The following FOXC1 variants were observed in gnomAD, a reference collection of about 807,000 sequenced individuals.
The protein encoded by FOXC1 is forkhead box C1.
FOXC1 carries 5 observed loss-of-function variants against 8.1 expected under a neutral mutation model. The observed-to-expected ratio is 0.62, with a 90% CI of 0.32 to 1.30. The LOEUF is 1.30. Ranked by LOEUF, FOXC1 falls within the 50% of genes most tolerant of loss-of-function variation. FOXC1 has a pLI of 0.05. For synonymous variants in FOXC1, 552 were observed against 417.2 expected (o/e 1.32, Z -3.94); for missense variants, 942 against 858.0 (o/e 1.10, Z -1.22).
Position 1,611,836 on chromosome 6 carries a change from C to T in FOXC1, c.1391C>T (p.Ala464Val). The change falls in exon 1 of 1, where the codon GCG becomes GTG. Residue 464 changes from alanine (A) to valine (V), a missense_variant. This residue lies in a region of FOXC1 where 726 missense variants were observed against 599.6 expected (regional missense o/e 1.21). Transcript: ENST00000645831. This position sits in a 1 kb window ranked among gnomAD's most constrained non-coding sequence, Gnocchi z 7.1. Reference sequence around the variant, plus strand: ...GGCCAGGAGGCCGGCCACCACCCTGCGGCCCACCAAGGCCGCCTCACCTCG... The same window carrying T: ...GGCCAGGAGGCCGGCCACCACCCTGTGGCCCACCAAGGCCGCCTCACCTCG... ...GGGQEAGHHP[A>V]AHQGRLTSWY... The T allele has an allele frequency of 1.3e-6, 2 of 1,529,522 alleles. No homozygotes were observed. Among genetic ancestry groups the T allele is most frequent in the Non-Finnish European group, 1.8e-6 (2 of 1,138,942 alleles). 94.7% of individuals were successfully genotyped at this position (1,529,522 alleles called of 1,614,324 possible).
At position 1,611,660 on chromosome 6, in the gene FOXC1, C is replaced by G. The variant is rs572622655; in HGVS notation, c.1215C>G (p.Ala405=). 5 of 1,380,914 alleles carry G rather than the reference C, an allele frequency of 3.6e-6. No homozygotes were observed. Among genetic ancestry groups the G allele is most frequent in the Non-Finnish European group, 3.7e-6 (4 of 1,075,702 alleles). 85.5% of individuals were successfully genotyped at this position (1,380,914 alleles called of 1,614,324 possible). Residue 405 remains alanine (A), a synonymous_variant, in exon 1 of 1, where the codon GCC becomes GCG. Transcript: ENST00000645831. The surrounding 1 kb of genome is among the most constrained non-coding windows in gnomAD (Gnocchi z 7.1). ...CNLQAMSLYA[A]GERGGHLQGA... ...TGCAAGCCATGAGCCTGTACGCGGC[C>G]GGCGAGCGCGGGGGCCACTTGCAGG...
rs1762599125 is a variant in FOXC1 at position 1,613,773 on chromosome 6, TTC to T, written c.*1667_*1668del. 4.4e-6 allele frequency: 1 copy of T among 225,680 alleles called. No homozygotes were observed. Among genetic ancestry groups the T allele is most frequent in the Admixed American group, 5.9e-5 (1 of 16,980 alleles). The allele number at this position is 225,680 out of a possible 1,614,324, so 14.0% of individuals were successfully genotyped here. On this transcript the variant is annotated 3_prime_UTR_variant, in exon 1 of 1. Coordinates refer to ENST00000645831, the MANE Select transcript of FOXC1 (RefSeq NM_001453.3). ...CAGTTTGTTTTGGAGATAATACAGT[TTC>T]CTGCTATCTGCCGCTCCTATCTAGA...
Position 1,612,270 on chromosome 6 carries a change from C to A in FOXC1, c.*163C>A. ...ATATCCCTCCAAAAATTCAGCTCACCAGCACCAGCACGAAGAAAACTCTAT... is the reference window on the plus strand; with the variant it reads ...ATATCCCTCCAAAAATTCAGCTCACAAGCACCAGCACGAAGAAAACTCTAT... On this transcript the variant is annotated 3_prime_UTR_variant, in exon 1 of 1. Transcript: ENST00000645831. 1 of 1,027,468 alleles carries A rather than the reference C, an allele frequency of 9.7e-7. No homozygotes were observed. Among genetic ancestry groups the A allele is most frequent in the Non-Finnish European group, 1.4e-6 (1 of 699,154 alleles). The allele number at this position is 1,027,468 out of a possible 1,614,324, so 63.6% of individuals were successfully genotyped here.
In FOXC1 at chr6:1,611,737, ACT is replaced by A. The variant is rs1554101091; in HGVS notation, c.1297_1298del (p.Leu433AlafsTer94). On this transcript the variant is annotated frameshift_variant, in exon 1 of 1. Transcript: ENST00000645831. LOFTEE classifies it high-confidence loss of function. This position sits in a 1 kb window ranked among gnomAD's most constrained non-coding sequence, Gnocchi z 7.1. Reference sequence around the variant, plus strand: ...GCCGTGGACGACCCCCTGCCCGACTACTCTCTGCCTCCGGTCACCAGCAGCAG... The same window carrying A: ...GCCGTGGACGACCCCCTGCCCGACTACTCTGCCTCCGGTCACCAGCAGCAG... The A allele has an allele frequency of 6.8e-7, 1 of 1,464,098 alleles. No individual in the cohort carries two copies. Among genetic ancestry groups the A allele is most frequent in the Non-Finnish European group, 9.0e-7 (1 of 1,115,922 alleles). 90.7% of individuals were successfully genotyped at this position (1,464,098 alleles called of 1,614,324 possible).
In FOXC1 at chr6:1,611,181, C is replaced by A. The variant is rs1282700439; in HGVS notation, c.736C>A (p.Leu246Met). 1 of 1,461,226 alleles carries A rather than the reference C, an allele frequency of 6.8e-7. No individual in the cohort carries two copies. The highest frequency in any genetic ancestry group is 2.3e-5 in the Admixed American group (1 of 44,346). The allele number at this position is 1,461,226 out of a possible 1,614,324, so 90.5% of individuals were successfully genotyped here. ...PPQPLSPAAA[L>M]GSGSAAAVPK... ...CCAGCCCCTGTCCCCGGCCGCCGCC[C>A]TGGGCAGCGGCAGCGCCGCCGCGGT... The change falls in exon 1 of 1, where the codon CTG becomes ATG. Residue 246 changes from leucine to methionine, a missense_variant. By Grantham distance (15) the Leu-to-Met change is conservative. Transcript: ENST00000645831. This position sits in a 1 kb window ranked among gnomAD's most constrained non-coding sequence, Gnocchi z 7.1.
rs771450858 is a variant in FOXC1, at chr6:1,610,543, C to T, written c.98C>T (p.Ala33Val). 7 of 1,547,356 alleles carry T rather than the reference C, an allele frequency of 4.5e-6. No individual in the cohort carries two copies. The South Asian group carries it at 5.9e-5, about 13-fold the overall frequency. ...QSYYRAAAAA[A>V]GGGYTAMPAP... Reference sequence around the variant, plus strand: ...TACTACCGCGCGGCGGCCGCGGCGGCCGGGGGCGGCTACACCGCCATGCCG... The same window carrying T: ...TACTACCGCGCGGCGGCCGCGGCGGTCGGGGGCGGCTACACCGCCATGCCG... Residue 33 changes from alanine to valine, a missense_variant, in exon 1 of 1, where the codon GCC becomes GTC. Ala to Val is a moderately conservative substitution (Grantham distance 64). Transcript: ENST00000645831.
At position 1,611,381 on chromosome 6, in the gene FOXC1, C is replaced by T. The variant is rs773475860; in HGVS notation, c.936C>T (p.Asn312=). 4.1e-5 allele frequency: 60 copies of T among 1,450,572 alleles called. No individual in the cohort carries two copies. The East Asian group carries it at 1.7e-3, about 42-fold the overall frequency. 89.9% of individuals were successfully genotyped at this position (1,450,572 alleles called of 1,614,324 possible). The change falls in exon 1 of 1, where the codon AAC becomes AAT. Residue 312 remains asparagine, a synonymous_variant. Transcript: ENST00000645831. This position sits in a 1 kb window ranked among gnomAD's most constrained non-coding sequence, Gnocchi z 7.1. ...ATAGCCAGGGCTTCAGCGTGGACAA[C>T]ATCATGACGTCGCTGCGGGGGTCGC... is the stretch of plus-strand genomic sequence containing the variant. ...PHHSQGFSVD[N]IMTSLRGSPQ... is the part of the protein sequence containing the mutation.
Position 1,611,262 on chromosome 6 carries a change from C to T in FOXC1, c.817C>T (p.Pro273Ser). The T allele has an allele frequency of 2.1e-6, 3 of 1,407,760 alleles. No individual in the cohort carries two copies. Among genetic ancestry groups the T allele is most frequent in the Non-Finnish European group, 2.8e-6 (3 of 1,081,138 alleles). 87.2% of individuals were successfully genotyped at this position (1,407,760 alleles called of 1,614,324 possible). ...SSSSLSSGSS[P>S]PGSLPSARPL... ...CAGCAGCCTGTCCAGCGGGAGCAGC[C>T]CCCCGGGCAGCCTGCCGTCGGCGCG... The change falls in exon 1 of 1, where the codon CCC becomes TCC. Residue 273 changes from proline (P) to serine (S), a missense_variant. Transcript: ENST00000645831. The surrounding 1 kb of genome is among the most constrained non-coding windows in gnomAD (Gnocchi z 7.1).
At position 1,610,670 on chromosome 6, in the gene FOXC1, C is replaced by G; in HGVS notation, c.225C>G (p.Asp75Glu). 6.2e-7 allele frequency: 1 copy of G among 1,613,682 alleles called. No individual in the cohort carries two copies. Among genetic ancestry groups the G allele is most frequent in the Non-Finnish European group, 8.5e-7 (1 of 1,179,998 alleles). Reference protein sequence around the residue: ...GPYTPQPQPKDMVKPPYSYIA... With the variant: ...GPYTPQPQPKEMVKPPYSYIA... Reference sequence around the variant, plus strand: ...ACACGCCGCAGCCGCAGCCCAAGGACATGGTGAAGCCGCCCTATAGCTACA... The same window carrying G: ...ACACGCCGCAGCCGCAGCCCAAGGAGATGGTGAAGCCGCCCTATAGCTACA... The change falls in exon 1 of 1, where the codon GAC (aspartate) becomes GAG (glutamate). Residue 75 changes from aspartate (D) to glutamate (E), a missense_variant. Around this residue, in one of 4 missense-constraint regions of FOXC1, gnomAD observed 190 missense variants for 176.8 expected, o/e 1.07. Transcript: ENST00000645831.
At position 1,612,068 on chromosome 6, in the gene FOXC1, C is replaced by T. The variant is rs1190430323; in HGVS notation, c.1623C>T (p.Arg541=). 2 of 1,613,932 alleles carry T rather than the reference C, an allele frequency of 1.2e-6. No individual in the cohort carries two copies. The highest frequency in any genetic ancestry group is 1.7e-6 in the Non-Finnish European group (2 of 1,180,016). ...MAFPSSQSLY[R]TSGAFVYDCS... ...TCCCTTCCAGCCAGTCTCTGTACCG[C>T]ACGTCCGGAGCTTTCGTCTACGACT... The change falls in exon 1 of 1, where the codon CGC becomes CGT. Residue 541 remains arginine (R), a synonymous_variant. Transcript: ENST00000645831.
rs1273936242 is a variant in FOXC1 at position 1,611,557 on chromosome 6, C to T, written c.1112C>T (p.Ala371Val). ...TCCCCCTGCAGCCAGACCTCCAGCG[C>T]GGGCAGCTCGGGCGGCGGCGGCGGC... ...YSSPCSQTSS[A>V]GSSGGGGGGA... is the part of the protein sequence containing the mutation. The change falls in exon 1 of 1, where the codon GCG (alanine) becomes GTG (valine). Residue 371 changes from alanine (A) to valine (V), a missense_variant. Ala to Val is a moderately conservative substitution (Grantham distance 64, BLOSUM62 0). This residue lies in a region of FOXC1 where 726 missense variants were observed against 599.6 expected (regional missense o/e 1.21). Transcript: ENST00000645831. This position sits in a 1 kb window ranked among gnomAD's most constrained non-coding sequence, Gnocchi z 7.1. 2 of 1,200,372 alleles carry T rather than the reference C, an allele frequency of 1.7e-6. No individual in the cohort carries two copies. Among genetic ancestry groups the T allele is most frequent in the African/African-American group, 3.3e-5 (2 of 61,520 alleles). 74.4% of individuals were successfully genotyped at this position (1,200,372 alleles called of 1,614,324 possible).
Position 1,611,795 on chromosome 6 carries a change from C to T in FOXC1, c.1350C>T (p.Gly450=). 3 of 1,464,916 alleles carry T rather than the reference C, an allele frequency of 2.0e-6. No individual in the cohort carries two copies. The highest frequency in any genetic ancestry group is 1.3e-5 in the South Asian group (1 of 75,380). The allele number at this position is 1,464,916 out of a possible 1,614,324, so 90.7% of individuals were successfully genotyped here. The change falls in exon 1 of 1, where the codon GGC becomes GGT. Residue 450 remains glycine, a synonymous_variant. Coordinates refer to ENST00000645831, the MANE Select transcript of FOXC1 (RefSeq NM_001453.3). This position sits in a 1 kb window ranked among gnomAD's most constrained non-coding sequence, Gnocchi z 7.1. ...SSSSLSHGGG[G]GGGGGGQEAG... The stretch of plus-strand genomic sequence containing the variant: ...CGTCCCTGAGTCACGGCGGCGGCGG[C>T]GGCGGCGGCGGGGGAGGCCAGGAGG...
In FOXC1 at chr6:1,610,391, G is replaced by A. The variant is rs1762513343; in HGVS notation, c.-55G>A. On this transcript the variant is annotated 5_prime_UTR_variant, in exon 1 of 1. Coordinates refer to ENST00000645831, the MANE Select transcript of FOXC1 (RefSeq NM_001453.3). ...TCGGCGGCCGGCGCGGCGCGGCCCG[G>A]CCCGAGCGAGGGTGGGGGGCGGCGG... The A allele has an allele frequency of 2.0e-6, 2 of 995,728 alleles. No homozygotes were observed. Among genetic ancestry groups the A allele is most frequent in the African/African-American group, 1.7e-5 (1 of 57,394 alleles). The allele number at this position is 995,728 out of a possible 1,614,324, so 61.7% of individuals were successfully genotyped here.
In FOXC1 at chr6:1,610,202, C is replaced by T. The variant is rs185790394; in HGVS notation, c.-244C>T. The T allele has an allele frequency of 0.013, 1,979 of 152,226 alleles. 33 individuals carry two copies. The highest frequency in any genetic ancestry group is 0.021 in the Non-Finnish European group (1,412 of 68,304). 9.4% of individuals were successfully genotyped at this position (152,226 alleles called of 1,614,324 possible). A position where few individuals can be genotyped will look rare whatever the true frequency, so the allele number is the denominator to read the frequency against. ...CAAGGCGGTCTGCCGCGGCCGGGCC[C>T]GGCCTTCTCCCCTCGCAGCGACCCC... On this transcript the variant is annotated 5_prime_UTR_variant, in exon 1 of 1. Coordinates refer to ENST00000645831, the MANE Select transcript of FOXC1 (RefSeq NM_001453.3).
chr6:1,611,963 G>C lies in FOXC1; in HGVS notation c.1518G>C (p.Ser506=), dbSNP rs559728801. ...CGGGCCAGCAGCAGAACTTCCACTC[G>C]GTGCGGGAGATGTTCGAGTCACAGA... ...GYPGQQQNFH[S]VREMFESQRI... The change falls in exon 1 of 1, where the codon TCG becomes TCC. Residue 506 remains serine (S), a synonymous_variant. Transcript: ENST00000645831. This position sits in a 1 kb window ranked among gnomAD's most constrained non-coding sequence, Gnocchi z 7.1. The C allele has an allele frequency of 1.9e-6, 3 of 1,605,830 alleles. No homozygotes were observed. The highest frequency in any genetic ancestry group is 1.1e-5 in the South Asian group (1 of 89,794).
Position 1,612,755 on chromosome 6 carries a change from C to T in FOXC1, c.*648C>T, listed in dbSNP as rs1200473920. 2 of 212,986 alleles carry T rather than the reference C, an allele frequency of 9.4e-6. No homozygotes were observed. The highest frequency in any genetic ancestry group is 4.6e-5 in the African/African-American group (2 of 43,326). 13.2% of individuals were successfully genotyped at this position (212,986 alleles called of 1,614,324 possible). A position where few individuals can be genotyped will look rare whatever the true frequency, so the allele number is the denominator to read the frequency against. ...GGAAACTGTATTAATCTTATTCTAT[C>T]CTCTTTTCTTTCTTTTTGTTGAACA... On this transcript the variant is annotated 3_prime_UTR_variant, in exon 1 of 1. Coordinates refer to ENST00000645831, the MANE Select transcript of FOXC1 (RefSeq NM_001453.3).
In FOXC1 at chr6:1,611,329, C is replaced by G. The variant is rs1299890534; in HGVS notation, c.884C>G (p.Pro295Arg). Residue 295 changes from proline to arginine, a missense_variant, in exon 1 of 1, where the codon CCC becomes CGC. Pro to Arg is a moderately radical substitution (Grantham distance 103). Around this residue, in one of 4 missense-constraint regions of FOXC1, gnomAD observed 726 missense variants for 599.6 expected, o/e 1.21. Coordinates refer to ENST00000645831, the MANE Select transcript of FOXC1 (RefSeq NM_001453.3). This position sits in a 1 kb window ranked among gnomAD's most constrained non-coding sequence, Gnocchi z 7.1. ...GGTGCGGATTCCGCGCCGCCGCCGC[C>G]CGCGCCCTCCGCCCCGCCGCCGCAC... ...LDGADSAPPP[P>R]APSAPPPHHS... is the part of the protein sequence containing the mutation. 1 of 1,417,046 alleles carries G rather than the reference C, an allele frequency of 7.1e-7. No individual in the cohort carries two copies. Among genetic ancestry groups the G allele is most frequent in the Non-Finnish European group, 9.2e-7 (1 of 1,083,956 alleles). 87.8% of individuals were successfully genotyped at this position (1,417,046 alleles called of 1,614,324 possible).
Position 1,610,854 on chromosome 6 carries a change from G to A in FOXC1, c.409G>A (p.Val137Ile), listed in dbSNP as rs9502980. 19 of 1,613,970 alleles carry A rather than the reference G, an allele frequency of 1.2e-5. No homozygotes were observed. Among genetic ancestry groups the A allele is most frequent in the Admixed American group, 1.7e-5 (1 of 60,008 alleles). ...RHNLSLNECF[V>I]KVPRDDKKPG... ...CAACCTCTCGCTCAACGAGTGCTTC[G>A]TCAAGGTGCCGCGCGACGACAAGAA... is the stretch of plus-strand genomic sequence containing the variant. Residue 137 changes from valine (V) to isoleucine (I), a missense_variant, in exon 1 of 1, where the codon GTC becomes ATC. By Grantham distance (29) the Val-to-Ile change is conservative (BLOSUM62 3). This residue lies in a region of FOXC1 where 26 missense variants were observed against 65.5 expected (regional missense o/e 0.40). Coordinates refer to ENST00000645831, the MANE Select transcript of FOXC1 (RefSeq NM_001453.3).
Position 1,612,155 on chromosome 6 carries a change from A to G in FOXC1, c.*48A>G, listed in dbSNP as rs748021580. ...ATCGAACCCCAAAGCAGGAAAAGCT[A>G]AAGGAACCCATCAAGGCAAAATCGA... On this transcript the variant is annotated 3_prime_UTR_variant, in exon 1 of 1. Transcript: ENST00000645831. 3 of 1,613,358 alleles carry G rather than the reference A, an allele frequency of 1.9e-6. No individual in the cohort carries two copies. Among genetic ancestry groups the G allele is most frequent in the Non-Finnish European group, 8.5e-7 (1 of 1,179,986 alleles).
Sources: allele counts gnomAD v4.1 joint callset, GRCh38; gene constraint gnomAD v4.1.1; regional missense constraint gnomAD v4.1.1; non-coding constraint Gnocchi (gnomAD v3.1); transcripts MANE v1.5; gene names NCBI Gene and HGNC (gene_info 2026-07-23, HGNC 2026-07-21).